SLC37A1: variants seen among roughly 807,000 people sequenced by gnomAD.
SLC37A1 encodes glucose-6-phosphate exchanger SLC37A1.
SLC37A1 carries 49 observed loss-of-function variants against 75.3 expected under a neutral mutation model. The observed-to-expected ratio is 0.65, with a 90% CI of 0.52 to 0.83. The LOEUF (loss-of-function observed/expected upper bound fraction) is 0.83. Among genes scored for constraint, SLC37A1 ranks in the 40% least tolerant of loss-of-function variants. SLC37A1 has a pLI of 0.00. For missense variants in SLC37A1, 566 were observed against 695.0 expected, an observed-to-expected ratio of 0.81 and a Z score of 2.09; for synonymous variants, 268 against 292.1, an observed-to-expected ratio of 0.92 and a Z score of 0.84.
At chr21:42,558,767 G>A (rs2055752199) in intron 10 of SLC37A1, among the ~76,000 whole-genome samples, 191 bp from the exon 11 acceptor site, 2 of 152,094 alleles carry the variant, frequency 1.3e-5, no homozygotes, top group South Asian at 2.1e-4. Context: ...GTACCTAGCC[G>A]TTCATGAAAA....
upstream of SLC37A1, among the ~76,000 whole-genome samples, chr21:42,510,794 T>G (rs1022892941): frequency 6.6e-6 from 1 of 152,146 alleles, no homozygotes; most frequent in African/African-American, 2.4e-5. Flanking sequence ...AGAGATAAAT[T>G]CATCAAGAGG....
intron 7 of SLC37A1, 124 bp downstream of exon 7, chr21:42,542,604 C>T: frequency 1.1e-6 from 1 of 917,008 alleles, no homozygotes; most frequent in Non-Finnish European, 1.6e-6. Context: ...ATGGCTGAAA[C>T]CTCTGGGGCT....
chr21:42,566,026 A>G, intron 15 of SLC37A1, 151 bp downstream of exon 15: 1 of 737,912 alleles, frequency 1.4e-6, no homozygotes, highest in Non-Finnish European at 2.2e-6. Flanking sequence ...TCCTTTGGGC[A>G]AGACCATCTG....
At position 42,572,916 on chromosome 21, in the gene SLC37A1, G is replaced by A. The variant is rs1449938157; in HGVS notation, c.1424-1902G>A. 2.6e-5 allele frequency among the ~76,000 whole-genome samples: 4 copies of A among 152,292 alleles called. No homozygotes were observed. In the South Asian group the frequency reaches 8.3e-4, roughly 32 times the overall value. ...CCCATGGAAGAAGGGGCCCTGCATAGTGGTTTGAAGTCTCTCTGTGGGGAC... is the reference window on the plus strand; with the variant it reads ...CCCATGGAAGAAGGGGCCCTGCATAATGGTTTGAAGTCTCTCTGTGGGGAC... On this transcript the variant is annotated intron_variant, in intron 17 of 19. Coordinates refer to ENST00000352133, the MANE Select transcript of SLC37A1 (RefSeq NM_001320537.2).
chr21:42,558,394 CG>C (rs1569026118), intron 10 of SLC37A1, among the ~76,000 whole-genome samples: 1 of 152,156 alleles, frequency 6.6e-6, no homozygotes, highest in African/African-American at 2.4e-5. Context: ...ATTAGCATTT[CG>C]ATAAAAATTA....
intron 2 of SLC37A1, among the ~76,000 whole-genome samples, chr21:42,508,418 C>T (rs910331310): frequency 2.0e-5 from 3 of 152,118 alleles, no homozygotes; most frequent in African/African-American, 7.2e-5. Context: ...CATGAGCCAC[C>T]GTGCCTGGCC....
Position 42,535,492 on chromosome 21 carries a change from C to G in SLC37A1, c.292C>G (p.Leu98Val). 1 of 1,614,178 alleles carries G rather than the reference C, an allele frequency of 6.2e-7. No homozygotes were observed. The highest frequency in any genetic ancestry group is 1.1e-5 in the South Asian group (1 of 91,086). ...APFDKNNYQQ[L>V]LGALDYSFLC... Reference sequence around the variant, plus strand: ...TATAGATAAGAACAACTATCAGCAGCTGCTTGGGGCCCTGGACTACTCCTT... The same window carrying G: ...TATAGATAAGAACAACTATCAGCAGGTGCTTGGGGCCCTGGACTACTCCTT... Residue 98 changes from leucine (L) to valine (V), a missense_variant, in exon 5 of 20, where the codon CTG becomes GTG. Coordinates refer to ENST00000352133, the MANE Select transcript of SLC37A1 (RefSeq NM_001320537.2).
rs58188918 is a variant in SLC37A1, at chr21:42,564,223, C to A, written c.1135+346C>A. Reference sequence around the variant, plus strand: ...GGCAACATAACAAGACCCCTCTCTACAAAAAAAAAAAAAAAAGCATAGCTG... The same window carrying A: ...GGCAACATAACAAGACCCCTCTCTAAAAAAAAAAAAAAAAAAGCATAGCTG... On this transcript the variant is annotated intron_variant, in intron 13 of 19. Coordinates refer to ENST00000352133, the MANE Select transcript of SLC37A1 (RefSeq NM_001320537.2). Among the ~76,000 whole-genome samples the A allele has an allele frequency of 2.8e-3, 222 of 79,844 alleles. 1 individual carries two copies. The highest frequency in any genetic ancestry group is 8.8e-3 in the Middle Eastern group (1 of 114). The allele number at this position is 79,844 out of a possible 152,430, so 52.4% of individuals were successfully genotyped here.
intron 13 of SLC37A1, 84 bp downstream of exon 13, chr21:42,563,961 A>C: frequency 1.4e-6 from 2 of 1,467,214 alleles, no homozygotes; most frequent in Non-Finnish European, 1.9e-6. Flanking sequence ...TCAGGGGAAC[A>C]GGGTTCCCCA....
chr21:42,565,649 G>A (rs570537872), intron 14 of SLC37A1, among the ~76,000 whole-genome samples, 178 bp from the exon 15 acceptor site: 1 of 152,212 alleles, frequency 6.6e-6, no homozygotes, highest in Non-Finnish European at 1.5e-5. Context: ...CTCGTGGTGG[G>A]GACAAGGCTC....
At chr21:42,526,618 G>C (rs143340647) in intron 3 of SLC37A1, among the ~76,000 whole-genome samples, 1,735 of 152,282 alleles carry the variant, frequency 0.011, 25 homozygotes, top group African/African-American at 0.04. Flanking sequence ...CTGAGCCCTG[G>C]GTGGCTGCCC....
upstream of SLC37A1, among the ~76,000 whole-genome samples, chr21:42,512,759 G>T (rs543998972): frequency 4.8e-4 from 73 of 152,348 alleles, no homozygotes; most frequent in African/African-American, 1.7e-3. Context: ...CCTGCAGAAG[G>T]CTTCTCAAAT....
intron 3 of SLC37A1, among the ~76,000 whole-genome samples, chr21:42,530,331 G>A (rs2054915814): frequency 6.6e-6 from 1 of 152,170 alleles, no homozygotes; most frequent in African/African-American, 2.4e-5. Context: ...GTCCCTGAGT[G>A]TGTATAATGC....
intron 18 of SLC37A1, among the ~76,000 whole-genome samples, chr21:42,579,336 C>T (rs1378492409): frequency 6.6e-6 from 1 of 152,218 alleles, no homozygotes; most frequent in African/African-American, 2.4e-5. Context: ...GCAGGTCCAC[C>T]CACTGGGCCA....
In SLC37A1 at chr21:42,540,323, A is replaced by G. The variant is rs532314199; in HGVS notation, c.486+676A>G. ...GTTTCTTTCCATGTTTTGGGTCAACAACTGAAACACCTTTATCAGTGCCTA... is the reference window on the plus strand; with the variant it reads ...GTTTCTTTCCATGTTTTGGGTCAACGACTGAAACACCTTTATCAGTGCCTA... On this transcript the variant is annotated intron_variant, in intron 6 of 19. Transcript: ENST00000352133. Among the ~76,000 whole-genome samples the G allele has an allele frequency of 2.0e-5, 3 of 152,320 alleles. No homozygotes were observed. In the South Asian group the frequency reaches 6.2e-4, roughly 32 times the overall value.
chr21:42,577,629 C>G (rs1338723610), intron 18 of SLC37A1, among the ~76,000 whole-genome samples: 2 of 152,042 alleles, frequency 1.3e-5, no homozygotes, highest in East Asian at 3.9e-4. Context: ...CTAAGAGAAC[C>G]TAGGGTCAGG....
intron 3 of SLC37A1, among the ~76,000 whole-genome samples, chr21:42,533,444 C>T (rs2055048150): frequency 6.6e-6 from 1 of 152,194 alleles, no homozygotes; most frequent in Non-Finnish European, 1.5e-5. Context: ...CACACAGTCA[C>T]AGAGCACATT....
At chr21:42,524,052 TG>T (rs1290395596) in intron 2 of SLC37A1, among the ~76,000 whole-genome samples, 1 of 152,158 alleles carries the variant, frequency 6.6e-6, no homozygotes, top group Non-Finnish European at 1.5e-5. Context: ...GATGCGCAGC[TG>T]GGAGAAGCAA....
chr21:42,575,955 C>G, intron 18 of SLC37A1: 1 of 984,972 alleles, frequency 1.0e-6, no homozygotes, highest in Non-Finnish European at 1.2e-6. Context: ...TACAACTGTT[C>G]AGAGAATCTG....
Sources: allele counts gnomAD v4.1 joint callset (sites outside exome capture counted in the v4.1 genomes callset), GRCh38; gene constraint gnomAD v4.1.1; transcripts MANE v1.5; gene names NCBI Gene and HGNC (gene_info 2026-07-23, HGNC 2026-07-21).